ZNF492: variants seen among roughly 807,000 people sequenced by gnomAD.
ZNF492 encodes zinc finger protein 492, also known as zinc finger protein 115 (Y20).
In ZNF492, 3 loss-of-function variants were observed where a neutral mutation model predicts 6.4. The observed-to-expected ratio is 0.47, with a 90% CI of 0.21 to 1.22. ZNF492 has a LOEUF of 1.22. ZNF492 is among the 50% of genes most tolerant of loss of function. ZNF492 has a pLI of 0.22. For synonymous variants in ZNF492, 112 were observed against 205.3 expected (o/e 0.55, Z 3.89); for missense variants, 356 against 612.5 (o/e 0.58, Z 4.42).
intron 1 of ZNF492, among the ~76,000 whole-genome samples, chr19:22,649,735 G>A (rs4335878): frequency 0.35 from 53,272 of 151,890 alleles, 9,857 homozygotes; most frequent in African/African-American, 0.49. Flanking sequence ...CAATTTGGCT[G>A]TTGATACTTG....
At chr19:22,652,465 C>G (rs575891283) in intron 1 of ZNF492, among the ~76,000 whole-genome samples, 8 of 151,826 alleles carry the variant, frequency 5.3e-5, no homozygotes, top group Admixed American at 1.3e-4. Context: ...GAAAAACACA[C>G]AGGCTTTTCC....
At chr19:22,656,611 A>G (rs1021717162) in intron 3 of ZNF492, among the ~76,000 whole-genome samples, 1 of 152,076 alleles carries the variant, frequency 6.6e-6, no homozygotes, top group African/African-American at 2.4e-5. Context: ...GTCTGTCTCT[A>G]GGCTTCTGAA....
intron 3 of ZNF492, among the ~76,000 whole-genome samples, chr19:22,662,015 C>T (rs1304967421): frequency 6.6e-6 from 1 of 152,104 alleles, no homozygotes; most frequent in African/African-American, 2.4e-5. Context: ...TCCTAGGGTA[C>T]ATGTGCCCAG....
At chr19:22,655,520 C>A (rs530240525) in intron 3 of ZNF492, among the ~76,000 whole-genome samples, 2 of 151,952 alleles carry the variant, frequency 1.3e-5, no homozygotes, top group East Asian at 3.9e-4. Context: ...CCATAACTTA[C>A]ACTTGTATGT....
At position 22,655,813 on chromosome 19, in the gene ZNF492, G is replaced by GTTTTTTTTT. The variant is rs760041910; in HGVS notation, c.130+1800_130+1801insTTTTTTTTT. Among the ~76,000 whole-genome samples the GTTTTTTTTT allele has an allele frequency of 4.9e-4, 32 of 64,884 alleles. 4 individuals carry two copies. The highest frequency in any genetic ancestry group is 1.1e-3 in the African/African-American group (14 of 12,890). 42.6% of individuals were successfully genotyped at this position (64,884 alleles called of 152,430 possible). ...GCAAACACCTCTTCAAGTTTTTCTT[G>GTTTTTTTTT]TTGTTTTTTTTTTTTTTTTTTTTTT... is the stretch of plus-strand genomic sequence containing the variant. On this transcript the variant is annotated intron_variant, in intron 3 of 3. Coordinates refer to ENST00000456783, the MANE Select transcript of ZNF492 (RefSeq NM_020855.3).
intron 1 of ZNF492, among the ~76,000 whole-genome samples, chr19:22,640,110 C>T (rs1353647915): frequency 2.0e-5 from 3 of 151,692 alleles, no homozygotes; most frequent in South Asian, 4.1e-4. Flanking sequence ...TACTTTTGTG[C>T]TTTCTGTCTT....
intron 1 of ZNF492, among the ~76,000 whole-genome samples, chr19:22,647,726 A>ATTTTTTTTT (rs1971896682): frequency 1.3e-5 from 1 of 78,334 alleles, no homozygotes; most frequent in African/African-American, 6.2e-5. Context: ...TAGCTCTTTT[A>ATTTTTTTTT]GTTTTTTTTT....
chr19:22,639,833 A>G (rs1971808710), intron 1 of ZNF492, among the ~76,000 whole-genome samples: 1 of 150,388 alleles, frequency 6.6e-6, no homozygotes, highest in Non-Finnish European at 1.5e-5. Flanking sequence ...TCCTGTTTGT[A>G]TGCCTTTTTT....
In ZNF492 at chr19:22,637,190, G is replaced by T. The variant is rs546273712; in HGVS notation, c.-94+2716G>T. Among the ~76,000 whole-genome samples the T allele has an allele frequency of 6.2e-4, 94 of 151,538 alleles. No individual in the cohort carries two copies. In the South Asian group the frequency reaches 6.5e-3, roughly 10 times the overall value. On this transcript the variant is annotated intron_variant, in intron 1 of 3. Coordinates refer to ENST00000456783, the MANE Select transcript of ZNF492 (RefSeq NM_020855.3). ...GATGGGGTTTCACCATGTTGGTCAG[G>T]CTGGTCTCGAATTCCTGACCTTGTG...
In ZNF492 at chr19:22,664,175, A is replaced by G; in HGVS notation, c.506A>G (p.Tyr169Cys). The G allele has an allele frequency of 1.2e-6, 2 of 1,610,218 alleles. No homozygotes were observed. The highest frequency in any genetic ancestry group is 1.1e-5 in the South Asian group (1 of 90,696). Reference protein sequence around the residue: ...HKRIHSGEKPYKCKECGKAYN... With the variant: ...HKRIHSGEKPCKCKECGKAYN... ...AGAATTCATAGTGGAGAGAAACCCT[A>G]CAAATGTAAAGAATGTGGGAAAGCC... The change falls in exon 4 of 4, where the codon TAC (tyrosine) becomes TGC (cysteine). Residue 169 changes from tyrosine to cysteine, a missense_variant. Physicochemically the swap from Tyr to Cys is radical, Grantham distance 194. Coordinates refer to ENST00000456783, the MANE Select transcript of ZNF492 (RefSeq NM_020855.3).
In ZNF492 at chr19:22,664,240, C is replaced by T; in HGVS notation, c.571C>T (p.His191Tyr). 1 of 1,610,218 alleles carries T rather than the reference C, an allele frequency of 6.2e-7. No individual in the cohort carries two copies. The change falls in exon 4 of 4, where the codon CAT becomes TAT. Residue 191 changes from histidine (H) to tyrosine (Y), a missense_variant. By Grantham distance (83) the His-to-Tyr change is moderately conservative (BLOSUM62 2). Transcript: ENST00000456783. ...AAACCTTTCTACACATAAAAGAATT[C>T]ATACTGGAAAGAAACCCTACAAATG... ...TSNLSTHKRI[H>Y]TGKKPYKCEE...
At chr19:22,659,206 T>G (rs1026284965) in intron 3 of ZNF492, among the ~76,000 whole-genome samples, 5 of 150,986 alleles carry the variant, frequency 3.3e-5, no homozygotes, top group African/African-American at 4.9e-5. Flanking sequence ...TTTTTCTCGT[T>G]GTATACTCAT....
At chr19:22,648,595 C>G (rs890206522) in intron 1 of ZNF492, among the ~76,000 whole-genome samples, 7 of 152,194 alleles carry the variant, frequency 4.6e-5, no homozygotes, top group African/African-American at 1.7e-4. Context: ...CTTTGTAGGT[C>G]TCTAAGAACT....
chr19:22,645,074 T>C (rs1971864252), intron 1 of ZNF492, among the ~76,000 whole-genome samples: 1 of 151,338 alleles, frequency 6.6e-6, no homozygotes, highest in African/African-American at 2.4e-5. Flanking sequence ...TGAGATGGAG[T>C]CTTGCTCTGT....
At chr19:22,659,183 A>G (rs1972028507) in intron 3 of ZNF492, among the ~76,000 whole-genome samples, 1 of 150,452 alleles carries the variant, frequency 6.6e-6, no homozygotes, top group African/African-American at 2.5e-5. Context: ...ATATTTGTTA[A>G]TTTTTCAGAT....
At chr19:22,660,319 G>A (rs1972045881) in intron 3 of ZNF492, among the ~76,000 whole-genome samples, 1 of 151,480 alleles carries the variant, frequency 6.6e-6, no homozygotes, top group African/African-American at 2.4e-5. Flanking sequence ...TTTGATTCTT[G>A]CATCTTTGTT....
At chr19:22,643,845 TAA>T (rs1599395737) in intron 1 of ZNF492, among the ~76,000 whole-genome samples, 1 of 152,176 alleles carries the variant, frequency 6.6e-6, no homozygotes, top group African/African-American at 2.4e-5. Context: ...TTATGAGAGT[TAA>T]GTTTCACCTG....
At chr19:22,657,761 A>G (rs2145258263) in intron 3 of ZNF492, among the ~76,000 whole-genome samples, 1 of 152,184 alleles carries the variant, frequency 6.6e-6, no homozygotes, top group South Asian at 2.1e-4. Flanking sequence ...TTCTGTTTTT[A>G]CATGTAAGTC....
intron 3 of ZNF492, among the ~76,000 whole-genome samples, chr19:22,662,032 G>A (rs2145262050): frequency 6.6e-6 from 1 of 152,164 alleles, no homozygotes; most frequent in East Asian, 1.9e-4. Flanking sequence ...CCAGCGTGCA[G>A]TTATATTACA....
Sources: gnomAD v4.1 joint callset for allele counts (sites outside exome capture counted in the v4.1 genomes callset) on GRCh38, gnomAD v4.1.1 for gene constraint, MANE v1.5 for transcripts, NCBI Gene and HGNC (gene_info 2026-07-23, HGNC 2026-07-21) for gene names.